Variants in SOCS5 observed in about 807,000 individuals in gnomAD.
SOCS5 encodes the protein suppressor of cytokine signaling 5.
A neutral mutation model predicts 42.8 loss-of-function variants in SOCS5; 32 were observed. That is an observed-to-expected ratio of 0.75 (90% CI 0.56 to 1.01). SOCS5 has a LOEUF of 1.01. SOCS5 is among the 50% of genes least tolerant of loss of function. The pLI, the probability that SOCS5 is intolerant of heterozygous loss-of-function variation, is 0.00. For synonymous variants in SOCS5, 283 were observed against 229.6 expected (o/e 1.23, Z -2.10); for missense variants, 627 against 653.0 (o/e 0.96, Z 0.43).
chr2:46,712,108 A>G (rs1672634991), intron 1 of SOCS5, among the ~76,000 whole-genome samples: 1 of 152,202 alleles, frequency 6.6e-6, no homozygotes, highest in African/African-American at 2.4e-5. Context: ...ATCTACAAAA[A>G]AGCCTTTTGG....
At chr2:46,706,195 C>G (rs887408871) in intron 1 of SOCS5, among the ~76,000 whole-genome samples, 3 of 152,156 alleles carry the variant, frequency 2.0e-5, no homozygotes, top group Admixed American at 1.3e-4. Context: ...ATTTAATTCT[C>G]TTAGTTCAGA....
chr2:46,739,223 A>G (rs1426049481), intron 1 of SOCS5, among the ~76,000 whole-genome samples: 1 of 152,238 alleles, frequency 6.6e-6, no homozygotes, highest in Non-Finnish European at 1.5e-5. Flanking sequence ...ACTTGGCAGA[A>G]GACTATATCC....
chr2:46,702,579 A>G (rs1245570003), intron 1 of SOCS5, among the ~76,000 whole-genome samples: 1 of 152,232 alleles, frequency 6.6e-6, no homozygotes, highest in African/African-American at 2.4e-5. Flanking sequence ...TATAAGGTCT[A>G]TTATTGATCT....
intron 1 of SOCS5, among the ~76,000 whole-genome samples, chr2:46,733,545 A>G (rs1170158907): frequency 4.0e-5 from 6 of 149,798 alleles, no homozygotes; most frequent in African/African-American, 1.5e-4. Flanking sequence ...CCTAGGTGAC[A>G]CAGTGAAACT....
chr2:46,742,480 CATATGTTGAAAA>C (rs1673401399), intron 1 of SOCS5, among the ~76,000 whole-genome samples: 1 of 151,898 alleles, frequency 6.6e-6, no homozygotes, highest in Non-Finnish European at 1.5e-5. Flanking sequence ...TTCCATATGT[CATATGTTGAAAA>C]TGTTTTATTC....
intron 1 of SOCS5, among the ~76,000 whole-genome samples, chr2:46,720,183 G>A (rs1158036601): frequency 6.6e-6 from 1 of 152,142 alleles, no homozygotes; most frequent in Non-Finnish European, 1.5e-5. Context: ...GATAATCCAA[G>A]TAAAGTGATT....
chr2:46,739,122 G>C (rs533409787), intron 1 of SOCS5, among the ~76,000 whole-genome samples: 1 of 152,128 alleles, frequency 6.6e-6, no homozygotes, highest in African/African-American at 2.4e-5. Flanking sequence ...GGTCGACTGT[G>C]CCAAATTTTA....
intron 1 of SOCS5, among the ~76,000 whole-genome samples, chr2:46,734,897 A>G (rs1673209024): frequency 6.6e-6 from 1 of 152,170 alleles, no homozygotes; most frequent in Non-Finnish European, 1.5e-5. Context: ...TTTACTTGAC[A>G]TCATCCGCCC....
intron 1 of SOCS5, among the ~76,000 whole-genome samples, chr2:46,740,978 A>G (rs1673361513): frequency 6.6e-6 from 1 of 152,126 alleles, no homozygotes; most frequent in Non-Finnish European, 1.5e-5. Flanking sequence ...TTCATTAGTG[A>G]TATTACTTAC....
chr2:46,741,814 T>A (rs1673385131), intron 1 of SOCS5, among the ~76,000 whole-genome samples: 1 of 152,198 alleles, frequency 6.6e-6, no homozygotes. Flanking sequence ...TTATTGCCAA[T>A]TTTTTCCTAA....
chr2:46,710,353 GT>G (rs1191356065), intron 1 of SOCS5, among the ~76,000 whole-genome samples: 3 of 152,080 alleles, frequency 2.0e-5, no homozygotes, highest in Non-Finnish European at 2.9e-5. Context: ...CACCACGTTG[GT>G]TAGGCTGGTC....
At chr2:46,741,141 AG>A (rs1673365416) in intron 1 of SOCS5, among the ~76,000 whole-genome samples, 2 of 152,148 alleles carry the variant, frequency 1.3e-5, no homozygotes, top group African/African-American at 4.8e-5. Flanking sequence ...ATCTTTAAAA[AG>A]TTTTTAAAAT....
At chr2:46,750,032 C>T (rs558798441) in intron 1 of SOCS5, among the ~76,000 whole-genome samples, 93 of 152,234 alleles carry the variant, frequency 6.1e-4, no homozygotes, top group African/African-American at 2.1e-3. Context: ...ACATCCAACC[C>T]ATAAGGTAGA....
intron 1 of SOCS5, among the ~76,000 whole-genome samples, chr2:46,702,425 T>G (rs1231966294): frequency 2.0e-5 from 3 of 152,216 alleles, no homozygotes; most frequent in African/African-American, 4.8e-5. Flanking sequence ...TTACTGTTTC[T>G]GAATGTCATT....
chr2:46,737,133 G>C (rs1673271335), intron 1 of SOCS5, among the ~76,000 whole-genome samples: 1 of 152,154 alleles, frequency 6.6e-6, no homozygotes, highest in African/African-American at 2.4e-5. Context: ...TGTAAACTAA[G>C]AAAGTTATGA....
intron 1 of SOCS5, among the ~76,000 whole-genome samples, chr2:46,708,343 G>C (rs193118604): frequency 1.3e-3 from 192 of 152,288 alleles, no homozygotes; most frequent in African/African-American, 4.4e-3. Flanking sequence ...ATATATGCAA[G>C]TTTGGGAGAG....
chr2:46,758,887 A>G lies in SOCS5; in HGVS notation c.357A>G (p.Pro119=). ...ARRDSYSRHA[P]WGGKKKHSCS... is the part of the protein sequence containing the mutation. ...GAGATTCCTACTCTCGACATGCTCC[A>G]TGGGGTGGGAAGAAAAAACATTCCT... Residue 119 remains proline, a synonymous_variant, in exon 2 of 2, where the codon CCA becomes CCG. Transcript: ENST00000394861. 1 of 1,614,060 alleles carries G rather than the reference A, an allele frequency of 6.2e-7. No homozygotes were observed. Among genetic ancestry groups the G allele is most frequent in the Non-Finnish European group, 8.5e-7 (1 of 1,179,900 alleles).
intron 1 of SOCS5, among the ~76,000 whole-genome samples, chr2:46,720,715 A>G (rs1224424361): frequency 6.6e-6 from 1 of 152,222 alleles, no homozygotes. Context: ...ATGAGTTTAC[A>G]GAGAACCAGA....
chr2:46,719,505 T>C (rs1045973237), intron 1 of SOCS5, among the ~76,000 whole-genome samples: 1 of 152,212 alleles, frequency 6.6e-6, no homozygotes, highest in Non-Finnish European at 1.5e-5. Context: ...TTGATCTTGC[T>C]TTCTCAGCCA....
Sources: gnomAD v4.1 joint callset for allele counts (sites outside exome capture counted in the v4.1 genomes callset) on GRCh38, gnomAD v4.1.1 for gene constraint, MANE v1.5 for transcripts, NCBI Gene and HGNC (gene_info 2026-07-23, HGNC 2026-07-21) for gene names.